MDGA2: variants seen among roughly 807,000 people sequenced by gnomAD.
The protein encoded by MDGA2 is MAM domain-containing glycosylphosphatidylinositol anchor protein 2.
Under a neutral mutation model 117.8 loss-of-function variants are expected in MDGA2, and 40 were observed. That is an observed-to-expected ratio of 0.34 (90% confidence interval 0.26 to 0.44). The LOEUF (loss-of-function observed/expected upper bound fraction) is 0.44. MDGA2 is among the 20% of genes least tolerant of loss of function. The probability of loss-of-function intolerance (pLI) is 1.00; values close to 1 mark genes in which losing one functional copy is unlikely to be tolerated. For synonymous variants in MDGA2, 452 were observed against 439.0 expected, an observed-to-expected ratio of 1.03 and a Z score of -0.37; for missense variants, 1,123 against 1,250.6, an observed-to-expected ratio of 0.90 and a Z score of 1.54.
chr14:47,176,889 C>T (rs1293770963), intron 3 of MDGA2, among the ~76,000 whole-genome samples: 25 of 152,210 alleles, frequency 1.6e-4, no homozygotes, highest in East Asian at 9.7e-4. Context: ...AGAAAATTTT[C>T]GCAACCTACT....
At chr14:47,457,837 G>A (rs1269615652) in intron 1 of MDGA2, among the ~76,000 whole-genome samples, 2 of 123,756 alleles carry the variant, frequency 1.6e-5, no homozygotes, top group Non-Finnish European at 3.4e-5. Context: ...TTGTTTATTT[G>A]TTTGTTTAAC....
chr14:47,009,667 T>C (rs1471065435), intron 8 of MDGA2, among the ~76,000 whole-genome samples: 1 of 152,084 alleles, frequency 6.6e-6, no homozygotes, highest in Non-Finnish European at 1.5e-5. Flanking sequence ...TTCTGTCTTC[T>C]CCCAGTGAGG....
chr14:47,022,282 T>C (rs933348259), intron 8 of MDGA2, among the ~76,000 whole-genome samples: 5 of 152,032 alleles, frequency 3.3e-5, no homozygotes, highest in African/African-American at 9.7e-5. Flanking sequence ...AGATGGGGTG[T>C]TTCCCGGGCT....
intron 1 of MDGA2, among the ~76,000 whole-genome samples, chr14:47,671,964 T>A (rs1378396455): frequency 1.3e-5 from 2 of 152,188 alleles, no homozygotes; most frequent in Non-Finnish European, 2.9e-5. Flanking sequence ...TGTTAGTGCT[T>A]CTCAACTTCA....
chr14:47,593,680 G>C (rs1001695951), intron 1 of MDGA2, among the ~76,000 whole-genome samples: 1 of 151,980 alleles, frequency 6.6e-6, no homozygotes, highest in Non-Finnish European at 1.5e-5. Flanking sequence ...TGAACAATGA[G>C]AACACATGAC....
At chr14:47,433,530 T>G (rs1034781227) in intron 1 of MDGA2, among the ~76,000 whole-genome samples, 1 of 152,132 alleles carries the variant, frequency 6.6e-6, no homozygotes, top group Non-Finnish European at 1.5e-5. Flanking sequence ...TAGCTTGATA[T>G]CTTAATGAAG....
rs544325475 is a variant in MDGA2, at chr14:47,192,117, G to A, written c.595+25904C>T. Among the ~76,000 whole-genome samples, 12 of 152,296 alleles carry A rather than the reference G, an allele frequency of 7.9e-5. No individual in the cohort carries two copies. In the South Asian group the frequency reaches 2.1e-3, roughly 26 times the overall value. ...TAGTTGATAATAAAGGCAAGGCAACGACAATTGCAGTGGAGATAAGTGTGA... is the reference window on the plus strand; with the variant it reads ...TAGTTGATAATAAAGGCAAGGCAACAACAATTGCAGTGGAGATAAGTGTGA... On this transcript the variant is annotated intron_variant, in intron 3 of 16. Coordinates refer to ENST00000399232, the MANE Select transcript of MDGA2 (RefSeq NM_001113498.3).
rs1898153527 is a variant in MDGA2 at position 47,674,979 on chromosome 14, T to G, written c.-183A>C. ...TGTTCTTCAGGGAAGCGGGCTCGAG[T>G]CTCCGCAGCTGCGGCGGCGGCGGCG... On this transcript the variant is annotated 5_prime_UTR_variant, in exon 1 of 17. Coordinates refer to ENST00000399232, the MANE Select transcript of MDGA2 (RefSeq NM_001113498.3). 1 of 375,860 alleles carries G rather than the reference T, an allele frequency of 2.7e-6. No individual in the cohort carries two copies. The highest frequency in any genetic ancestry group is 4.7e-6 in the Non-Finnish European group (1 of 213,536). 23.3% of individuals were successfully genotyped at this position (375,860 alleles called of 1,614,324 possible).
chr14:47,366,758 T>A (rs904042113), intron 1 of MDGA2, among the ~76,000 whole-genome samples: 6 of 151,606 alleles, frequency 4.0e-5, no homozygotes, highest in African/African-American at 1.5e-4. Context: ...CAAGTGAATT[T>A]ATTATTTCTT....
At chr14:47,157,316 A>T (rs1411215229) in intron 3 of MDGA2, among the ~76,000 whole-genome samples, 1 of 152,180 alleles carries the variant, frequency 6.6e-6, no homozygotes, top group East Asian at 1.9e-4. Flanking sequence ...ATTCATTCTA[A>T]TGTGAAATTT....
intron 1 of MDGA2, among the ~76,000 whole-genome samples, chr14:47,444,943 T>C (rs914429924): frequency 1.3e-5 from 2 of 152,178 alleles, no homozygotes; most frequent in East Asian, 3.9e-4. Context: ...CTAAGGACTA[T>C]ATATTCAAAG....
intron 14 of MDGA2, among the ~76,000 whole-genome samples, chr14:46,870,419 G>A (rs1275536884): frequency 6.6e-6 from 1 of 151,944 alleles, no homozygotes; most frequent in East Asian, 1.9e-4. Context: ...GGCTATAAAT[G>A]CCTCCTGAGT....
intron 2 of MDGA2, among the ~76,000 whole-genome samples, chr14:47,222,666 T>C (rs1180996752): frequency 1.3e-5 from 2 of 152,010 alleles, no homozygotes; most frequent in African/African-American, 4.8e-5. Flanking sequence ...CCATTAAATA[T>C]TTACAAAAAT....
At chr14:47,462,489 A>G (rs1893511341) in intron 1 of MDGA2, among the ~76,000 whole-genome samples, 1 of 152,240 alleles carries the variant, frequency 6.6e-6, no homozygotes, top group South Asian at 2.1e-4. Context: ...GACAAAAAGA[A>G]TAACTGCTTC....
chr14:46,860,940 A>G (rs764837944), intron 14 of MDGA2, among the ~76,000 whole-genome samples: 13 of 151,912 alleles, frequency 8.6e-5, no homozygotes, highest in Non-Finnish European at 1.8e-4. Flanking sequence ...GTGCCATGTG[A>G]GCCAGTTTTT....
intron 1 of MDGA2, among the ~76,000 whole-genome samples, chr14:47,654,675 T>C (rs1434914699): frequency 1.3e-5 from 2 of 152,010 alleles, no homozygotes; most frequent in South Asian, 2.1e-4. Context: ...AGACAGTATA[T>C]TTCCCCTTAG....
rs1402752693 is a variant in MDGA2, at chr14:47,360,337, G to C, written c.281-58787C>G. On this transcript the variant is annotated intron_variant, in intron 1 of 16. Transcript: ENST00000399232. ...TTGCACTCCAGCCTGGGCAACAGGAGTGAGAGTCCATCTCAAAAAATAAAT... is the reference window on the plus strand; with the variant it reads ...TTGCACTCCAGCCTGGGCAACAGGACTGAGAGTCCATCTCAAAAAATAAAT... 2.9e-5 allele frequency among the ~76,000 whole-genome samples: 4 copies of C among 139,724 alleles called. No homozygotes were observed. In the Admixed American group the frequency reaches 3.1e-4, roughly 11 times the overall value. 91.7% of individuals were successfully genotyped at this position (139,724 alleles called of 152,430 possible).
intron 1 of MDGA2, among the ~76,000 whole-genome samples, chr14:47,576,110 A>C (rs1896111696): frequency 6.6e-6 from 1 of 152,196 alleles, no homozygotes; most frequent in East Asian, 1.9e-4. Flanking sequence ...GTTTATATGT[A>C]TGCTTATAAC....
intron 3 of MDGA2, among the ~76,000 whole-genome samples, 176 bp from the exon 4 acceptor site, chr14:47,144,450 T>C (rs1157986076): frequency 2.6e-5 from 4 of 152,170 alleles, no homozygotes; most frequent in Non-Finnish European, 5.9e-5. Context: ...TTTCCAATGA[T>C]AAGAAGTATA....
Sources: allele counts gnomAD v4.1 joint callset (sites outside exome capture counted in the v4.1 genomes callset), GRCh38; gene constraint gnomAD v4.1.1; transcripts MANE v1.5; gene names NCBI Gene and HGNC (gene_info 2026-07-23, HGNC 2026-07-21).